The following FAM221A variants were observed in gnomAD, a reference collection of about 807,000 sequenced individuals.
The protein encoded by FAM221A is family with sequence similarity 221 member A.
In FAM221A, 43 loss-of-function variants were observed where a neutral mutation model predicts 37.6. The ratio of observed to expected loss-of-function variants is 1.15; its 90% confidence interval spans 0.90 to 1.48. The LOEUF (loss-of-function observed/expected upper bound fraction) is 1.48, where lower values mean the gene tolerates loss of function less well. Among genes scored for constraint, FAM221A ranks in the 40% most tolerant of loss-of-function variants. The pLI, the probability that FAM221A is intolerant of heterozygous loss-of-function variation, is 0.00. For synonymous variants in FAM221A, 135 were observed against 132.9 expected (o/e 1.02, Z -0.11); for missense variants, 361 against 361.5 (o/e 1.00, Z 0.01).
At chr7:23,699,178 T>A (rs1397431626) in intron 5 of FAM221A, among the ~76,000 whole-genome samples, 1 of 150,670 alleles carries the variant, frequency 6.6e-6, no homozygotes, top group East Asian at 1.9e-4. Context: ...TGTGCAGTGG[T>A]GTGATCATGG....
chr7:23,685,771 C>T (rs1003472527), intron 2 of FAM221A, among the ~76,000 whole-genome samples: 1 of 152,196 alleles, frequency 6.6e-6, no homozygotes, highest in Non-Finnish European at 1.5e-5. Context: ...TTGTCTGTAT[C>T]TGAAGTTTGC....
rs1001777940 is a variant in FAM221A, at chr7:23,695,530, G to T, written c.638-2662G>T. 4.6e-5 allele frequency among the ~76,000 whole-genome samples: 7 copies of T among 152,188 alleles called. No individual in the cohort carries two copies. In the East Asian group the frequency reaches 1.4e-3, roughly 29 times the overall value. On this transcript the variant is annotated intron_variant, in intron 4 of 6. Coordinates refer to ENST00000344962, the MANE Select transcript of FAM221A (RefSeq NM_199136.5). Reference sequence around the variant, plus strand: ...TGGGATTACAGGCGCATGCCACCATGCCTGGCTAATTTTTGTATTTTTAGT... The same window carrying T: ...TGGGATTACAGGCGCATGCCACCATTCCTGGCTAATTTTTGTATTTTTAGT...
intron 4 of FAM221A, 50 bp downstream of exon 4, chr7:23,691,646 G>A: frequency 2.1e-6 from 3 of 1,452,928 alleles, no homozygotes; most frequent in Non-Finnish European, 2.9e-6. Flanking sequence ...TTTTATGTGT[G>A]CTAACAATAG....
chr7:23,689,513 G>A lies in FAM221A; in HGVS notation c.430+54G>A, dbSNP rs186669590. 840 of 1,330,930 alleles carry A rather than the reference G, an allele frequency of 6.3e-4. 1 individual carries two copies. The highest frequency in any genetic ancestry group is 2.4e-3 in the Admixed American group (123 of 51,170). 82.4% of individuals were successfully genotyped at this position (1,330,930 alleles called of 1,614,324 possible). A position where few individuals can be genotyped will look rare whatever the true frequency, so the allele number is the denominator to read the frequency against. On this transcript the variant is annotated intron_variant, in intron 3 of 6. Coordinates refer to ENST00000344962, the MANE Select transcript of FAM221A (RefSeq NM_199136.5). ...CTCAGAATGTTTATATGTCTTCCTTGAATATTTAACGTGCTTTTTTACTGG... is the reference window on the plus strand; with the variant it reads ...CTCAGAATGTTTATATGTCTTCCTTAAATATTTAACGTGCTTTTTTACTGG...
chr7:23,698,602 C>T (rs146900397), intron 5 of FAM221A, among the ~76,000 whole-genome samples: 365 of 152,174 alleles, frequency 2.4e-3, no homozygotes, highest in Non-Finnish European at 4.0e-3. Context: ...GGCCTTCTGG[C>T]GGCCTAATTG....
chr7:23,700,490 A>C (rs1439277023), intron 5 of FAM221A, among the ~76,000 whole-genome samples: 3 of 152,206 alleles, frequency 2.0e-5, no homozygotes, highest in Non-Finnish European at 4.4e-5. Flanking sequence ...CTAGTTATAA[A>C]ATGTAAAAAG....
intron 1 of FAM221A, among the ~76,000 whole-genome samples, chr7:23,684,298 A>G (rs1387104140): frequency 7.3e-6 from 1 of 136,506 alleles, no homozygotes; most frequent in Admixed American, 7.3e-5. Flanking sequence ...CCCTGGTTCT[A>G]TTAGCTTTTA....
chr7:23,691,586 C>A lies in FAM221A; in HGVS notation c.627C>A (p.Asp209Glu), dbSNP rs1350576732. 4.3e-6 allele frequency: 7 copies of A among 1,613,888 alleles called. No individual in the cohort carries two copies. The highest frequency in any genetic ancestry group is 5.9e-6 in the Non-Finnish European group (7 of 1,179,858). The change falls in exon 4 of 7, where the codon GAC becomes GAA. Residue 209 changes from aspartate to glutamate, a missense_variant. Coordinates refer to ENST00000344962, the MANE Select transcript of FAM221A (RefSeq NM_199136.5). ...CGGAAGGCTACATGCGGTTAGATGA[C>A]AGTGGGATTGGTAAGTGATACTATA... The part of the protein sequence containing the change: ...SLAEGYMRLD[D>E]SGIGVPSVEF...
chr7:23,698,088 C>T, intron 4 of FAM221A, 104 bp from the exon 5 acceptor site: 1 of 692,040 alleles, frequency 1.4e-6, no homozygotes, highest in Non-Finnish European at 2.4e-6. Flanking sequence ...GAAAGAATTT[C>T]TAATAATTCT....
intron 4 of FAM221A, chr7:23,693,799 G>C (rs902419899): frequency 6.6e-5 from 10 of 151,932 alleles, no homozygotes; most frequent in African/African-American, 2.4e-4. Context: ...CACCATTCTT[G>C]CCCAAATCAT....
chr7:23,700,619 A>G (rs1408268260), intron 5 of FAM221A, among the ~76,000 whole-genome samples, 167 bp from the exon 6 acceptor site: 4 of 152,234 alleles, frequency 2.6e-5, no homozygotes, highest in Admixed American at 2.6e-4. Context: ...CTGTGATGCC[A>G]TTCTCTCTAA....
chr7:23,697,096 G>C (rs1237919411), intron 4 of FAM221A, among the ~76,000 whole-genome samples: 5 of 152,156 alleles, frequency 3.3e-5, no homozygotes, highest in Non-Finnish European at 7.3e-5. Flanking sequence ...CAAGCTGAGA[G>C]ACCAACTTAT....
chr7:23,680,328 C>G, intron 1 of FAM221A, 45 bp downstream of exon 1: 1 of 1,474,704 alleles, frequency 6.8e-7, no homozygotes, highest in Non-Finnish European at 9.1e-7. Flanking sequence ...CTCCGAGGGG[C>G]CAGGATCCCT....
intron 1 of FAM221A, 29 bp from the exon 2 acceptor site, chr7:23,684,470 C>T (rs754951135): frequency 6.5e-7 from 1 of 1,543,436 alleles, no homozygotes; most frequent in South Asian, 1.2e-5. Flanking sequence ...ATACTCAAAG[C>T]TTAAGAGAAA....
rs1423391285 is a variant in FAM221A, at chr7:23,691,572, A to G, written c.613A>G (p.Met205Val). The change falls in exon 4 of 7, where the codon ATG becomes GTG. Residue 205 changes from methionine to valine, a missense_variant. Transcript: ENST00000344962. The part of the protein sequence containing the change: ...TGFSSLAEGY[M>V]RLDDSGIGVP... ...TTTCAGCTCGCTGGCGGAAGGCTAC[A>G]TGCGGTTAGATGACAGTGGGATTGG... The G allele has an allele frequency of 6.2e-7, 1 of 1,614,148 alleles. No homozygotes were observed.
At chr7:23,681,445 G>A (rs1005546878) in intron 1 of FAM221A, among the ~76,000 whole-genome samples, 2 of 152,174 alleles carry the variant, frequency 1.3e-5, no homozygotes, top group Non-Finnish European at 1.5e-5. Context: ...TTATTGAGAC[G>A]GGGTCTGACT....
intron 1 of FAM221A, among the ~76,000 whole-genome samples, chr7:23,683,324 A>G (rs1012477737): frequency 6.6e-6 from 1 of 152,212 alleles, no homozygotes; most frequent in Non-Finnish European, 1.5e-5. Context: ...AAATTAACCC[A>G]TGATAAACTT....
At chr7:23,698,121 C>A in intron 4 of FAM221A, 71 bp from the exon 5 acceptor site, 2 of 853,508 alleles carry the variant, frequency 2.3e-6, no homozygotes, top group South Asian at 1.5e-5. Context: ...ATTTATTTTA[C>A]ATTAGAAGTA....
At chr7:23,682,534 T>C (rs1291401993) in intron 1 of FAM221A, among the ~76,000 whole-genome samples, 1 of 151,702 alleles carries the variant, frequency 6.6e-6, no homozygotes, top group Non-Finnish European at 1.5e-5. Context: ...GTGGAAGTGA[T>C]TCTCAGTGCC....
Sources: gnomAD v4.1 joint callset for allele counts (sites outside exome capture counted in the v4.1 genomes callset) on GRCh38, gnomAD v4.1.1 for gene constraint, MANE v1.5 for transcripts, NCBI Gene and HGNC (gene_info 2026-07-23, HGNC 2026-07-21) for gene names.